The following TMC1 variants were observed in gnomAD, a reference collection of about 807,000 sequenced individuals.
TMC1 encodes transmembrane channel-like protein 1.
TMC1 carries 84 observed loss-of-function variants against 105.8 expected under a neutral mutation model. The observed-to-expected ratio is 0.79, with a 90% confidence interval of 0.67 to 0.95. The LOEUF (loss-of-function observed/expected upper bound fraction) is 0.95. Ranked by LOEUF, TMC1 falls within the 40% of genes least tolerant of loss-of-function variation. The pLI, the probability that TMC1 is intolerant of heterozygous loss-of-function variation, is 0.00. For synonymous variants in TMC1, 315 were observed against 311.5 expected, an observed-to-expected ratio of 1.01 and a Z score of -0.12; for missense variants, 817 against 914.1, an observed-to-expected ratio of 0.89 and a Z score of 1.37.
In TMC1 at chr9:72,808,901, G is replaced by A. The variant is rs901869541; in HGVS notation, c.1695+3391G>A. 5.9e-5 allele frequency: 9 copies of A among 152,398 alleles called. No homozygotes were observed. The East Asian group carries it at 1.5e-3, about 26-fold the overall frequency. 9.4% of individuals were successfully genotyped at this position (152,398 alleles called of 1,614,324 possible). A position where few individuals can be genotyped will look rare whatever the true frequency, so the allele number is the denominator to read the frequency against. ...GATCTGTCTGGCTGTCTGACTTTGA[G>A]ATGGTACCTTTTATAAGGTCGTCTC... On this transcript the variant is annotated intron_variant, in intron 18 of 23. Coordinates refer to ENST00000297784, the MANE Select transcript of TMC1 (RefSeq NM_138691.3).
intron 12 of TMC1, among the ~76,000 whole-genome samples, chr9:72,768,497 TAAAC>T (rs1275747953): frequency 7.9e-5 from 12 of 152,098 alleles, no homozygotes; most frequent in African/African-American, 2.7e-4. Context: ...TAAAAATAAA[TAAAC>T]AAAAACTGTG....
At chr9:72,656,080 T>G in intron 5 of TMC1, 1 of 701,218 alleles carries the variant, frequency 1.4e-6, no homozygotes, top group Non-Finnish European at 2.6e-6. Flanking sequence ...TCTGATCAAG[T>G]CAGCACACAC....
chr9:72,689,344 C>T (rs1348660283), intron 6 of TMC1, among the ~76,000 whole-genome samples: 3 of 152,106 alleles, frequency 2.0e-5, no homozygotes, highest in Middle Eastern at 3.2e-3. Flanking sequence ...AGTTTTTACA[C>T]AGACAGGGCA....
At chr9:72,594,922 G>A (rs1378557257) in intron 2 of TMC1, among the ~76,000 whole-genome samples, 3 of 151,236 alleles carry the variant, frequency 2.0e-5, no homozygotes, top group East Asian at 3.9e-4. Flanking sequence ...CTTGAGTGCA[G>A]TGGCGCAATC....
intron 4 of TMC1, among the ~76,000 whole-genome samples, chr9:72,634,821 A>G (rs1825506195): frequency 6.6e-6 from 1 of 152,252 alleles, no homozygotes; most frequent in African/African-American, 2.4e-5. Context: ...TTACTTTAAA[A>G]GGAAATTACA....
At chr9:72,804,344 T>C (rs1001758082) in intron 17 of TMC1, among the ~76,000 whole-genome samples, 6 of 152,112 alleles carry the variant, frequency 3.9e-5, no homozygotes, top group African/African-American at 1.4e-4. Context: ...TGTTTACCTA[T>C]GTAATAAAAC....
At chr9:72,582,501 C>T (rs893535123) in intron 2 of TMC1, among the ~76,000 whole-genome samples, 2 of 152,188 alleles carry the variant, frequency 1.3e-5, no homozygotes, top group Non-Finnish European at 2.9e-5. Context: ...AGATCTACTT[C>T]TCAAAGTGAG....
chr9:72,601,141 C>G lies in TMC1; in HGVS notation c.-305-15227C>G, dbSNP rs182495997. On this transcript the variant is annotated intron_variant, in intron 2 of 23. Coordinates refer to ENST00000297784, the MANE Select transcript of TMC1 (RefSeq NM_138691.3). The stretch of plus-strand genomic sequence containing the variant: ...CTTGAGACCAGGAGATTAGGACCAA[C>G]CTAGGCAACATAGCAAGACACTGTT... Among the ~76,000 whole-genome samples the G allele has an allele frequency of 5.3e-5, 8 of 151,026 alleles. 1 individual carries two copies. The East Asian group carries it at 1.6e-3, about 30-fold the overall frequency.
At chr9:72,755,110 AAG>A (rs1418904766) in intron 12 of TMC1, among the ~76,000 whole-genome samples, 9 of 143,258 alleles carry the variant, frequency 6.3e-5, no homozygotes, top group East Asian at 6.2e-4. Flanking sequence ...GAAAGAAAGA[AAG>A]AGAAAGAAAG....
intron 2 of TMC1, among the ~76,000 whole-genome samples, chr9:72,613,174 G>A (rs1587989095): frequency 1.4e-5 from 2 of 147,528 alleles, no homozygotes; most frequent in Admixed American, 1.4e-4. Context: ...TCTTGTTTCC[G>A]AGGCTGGAGT....
intron 5 of TMC1, among the ~76,000 whole-genome samples, chr9:72,653,004 T>G (rs1825835827): frequency 6.6e-6 from 1 of 152,210 alleles, no homozygotes; most frequent in Non-Finnish European, 1.5e-5. Context: ...AATAATGTTT[T>G]ACTATATATA....
chr9:72,835,677 C>T (rs759645390), intron 23 of TMC1, among the ~76,000 whole-genome samples: 3 of 143,776 alleles, frequency 2.1e-5, no homozygotes, highest in Non-Finnish European at 3.1e-5. Context: ...ATCACATAAG[C>T]AATAATGTAT....
intron 5 of TMC1, among the ~76,000 whole-genome samples, chr9:72,650,315 T>A (rs192352675): frequency 5.7e-4 from 87 of 152,262 alleles, no homozygotes; most frequent in African/African-American, 1.9e-3. Flanking sequence ...TAGACTTGCC[T>A]GGTGTGGTTT....
At chr9:72,787,214 C>G (rs1004977935) in intron 13 of TMC1, among the ~76,000 whole-genome samples, 62 of 152,130 alleles carry the variant, frequency 4.1e-4, no homozygotes, top group Admixed American at 5.2e-4. Context: ...ACCTTGACTT[C>G]TTGCTGAGAT....
chr9:72,779,018 G>A (rs1482798864), intron 13 of TMC1, among the ~76,000 whole-genome samples: 1 of 152,196 alleles, frequency 6.6e-6, no homozygotes, highest in East Asian at 1.9e-4. Flanking sequence ...CCCCGACAAA[G>A]CACTGTTGCC....
chr9:72,752,527 A>G (rs746425987), intron 11 of TMC1, among the ~76,000 whole-genome samples: 19 of 152,220 alleles, frequency 1.2e-4, no homozygotes, highest in Non-Finnish European at 2.1e-4. Context: ...AAAGTCAGAA[A>G]CTAAAACACA....
At chr9:72,777,441 G>A (rs1369445428) in intron 13 of TMC1, among the ~76,000 whole-genome samples, 1 of 152,134 alleles carries the variant, frequency 6.6e-6, no homozygotes, top group African/African-American at 2.4e-5. Flanking sequence ...TTTGATGTAT[G>A]TAATGATGAA....
intron 2 of TMC1, among the ~76,000 whole-genome samples, chr9:72,598,246 C>T (rs1056123401): frequency 1.3e-5 from 2 of 152,114 alleles, no homozygotes; most frequent in Non-Finnish European, 2.9e-5. Flanking sequence ...CTCACATATC[C>T]AAAGGCAAAC....
At chr9:72,825,425 A>G (rs1234556107) in intron 20 of TMC1, among the ~76,000 whole-genome samples, 1 of 152,244 alleles carries the variant, frequency 6.6e-6, no homozygotes, top group Non-Finnish European at 1.5e-5. Context: ...AGATGCGTCC[A>G]TAATTTGTAC....
Sources: gnomAD v4.1 joint callset for allele counts (sites outside exome capture counted in the v4.1 genomes callset) on GRCh38, gnomAD v4.1.1 for gene constraint, MANE v1.5 for transcripts, NCBI Gene and HGNC (gene_info 2026-07-23, HGNC 2026-07-21) for gene names.